The following FER1L6 variants were observed in gnomAD, a reference collection of about 807,000 sequenced individuals.
FER1L6 encodes fer-1 like family member 6, also known as fer-1-like protein 6.
FER1L6 carries 177 observed loss-of-function variants against 219.2 expected under a neutral mutation model. That is an observed-to-expected ratio of 0.81 (90% CI 0.71 to 0.91). The LOEUF (loss-of-function observed/expected upper bound fraction) is 0.91. Ranked by LOEUF, FER1L6 falls within the 40% of genes least tolerant of loss-of-function variation. The pLI is 0.00. For synonymous variants in FER1L6, 768 were observed against 824.3 expected (o/e 0.93, Z 1.17); for missense variants, 2,153 against 2,259.9 (o/e 0.95, Z 0.96).
rs71576706 is a variant in FER1L6 at position 123,856,316 on chromosome 8, G to GTGTGTGTGTGTGTGTATATATATATA, written c.-8+4132_-8+4133insGTGTGTGTGTGTGTATATATATATAT. Among the ~76,000 whole-genome samples, 66 of 45,084 alleles carry GTGTGTGTGTGTGTGTATATATATATA rather than the reference G, an allele frequency of 1.5e-3. 8 individuals are homozygous for GTGTGTGTGTGTGTGTATATATATATA. The highest frequency in any genetic ancestry group is 2.6e-3 in the Non-Finnish European group (56 of 21,684). 29.6% of individuals were successfully genotyped at this position (45,084 alleles called of 152,430 possible). On this transcript the variant is annotated intron_variant, in intron 1 of 40. Coordinates refer to ENST00000522917, the MANE Select transcript of FER1L6 (RefSeq NM_001039112.2). ...TGTATATATATATATATATGTATGT[G>GTGTGTGTGTGTGTGTATATATATATA]TATATATATATATATATATATATAT...
chr8:123,880,371 C>T (rs1817087843), intron 1 of FER1L6, among the ~76,000 whole-genome samples: 1 of 152,158 alleles, frequency 6.6e-6, no homozygotes, highest in South Asian at 2.1e-4. Flanking sequence ...TGTTTATGTC[C>T]TCCGTCCACA....
intron 1 of FER1L6, among the ~76,000 whole-genome samples, chr8:123,947,804 T>A (rs572399894): frequency 2.0e-5 from 3 of 152,340 alleles, no homozygotes; most frequent in Non-Finnish European, 2.9e-5. Flanking sequence ...ATGAGTGACT[T>A]GTTGCTCCAT....
At chr8:124,049,062 C>CT (rs1200633004) in intron 21 of FER1L6, among the ~76,000 whole-genome samples, 1 of 148,290 alleles carries the variant, frequency 6.7e-6, no homozygotes, top group East Asian at 2.0e-4. Flanking sequence ...TTTCTTTTTT[C>CT]TTTTTTTGAG....
intron 19 of FER1L6, among the ~76,000 whole-genome samples, chr8:124,039,394 C>A (rs1312000350): frequency 6.6e-6 from 1 of 152,160 alleles, no homozygotes; most frequent in Non-Finnish European, 1.5e-5. Flanking sequence ...CACACACAGG[C>A]ACACACCCAC....
chr8:124,031,433 C>T (rs1430644657), intron 18 of FER1L6, among the ~76,000 whole-genome samples: 2 of 152,092 alleles, frequency 1.3e-5, no homozygotes, highest in African/African-American at 4.8e-5. Context: ...ACAGCAAGGC[C>T]TGTCTGCCTA....
intron 1 of FER1L6, among the ~76,000 whole-genome samples, chr8:123,913,937 G>A (rs947942298): frequency 6.6e-6 from 1 of 151,990 alleles, no homozygotes; most frequent in African/African-American, 2.4e-5. Flanking sequence ...ACATGAGAAA[G>A]GTCTGGATAC....
chr8:124,055,389 A>T (rs1820241010), intron 22 of FER1L6, among the ~76,000 whole-genome samples: 1 of 152,108 alleles, frequency 6.6e-6, no homozygotes, highest in Non-Finnish European at 1.5e-5. Flanking sequence ...AAAAAAATGC[A>T]TCTGTTTACT....
At chr8:124,086,315 T>C (rs1821782225) in intron 33 of FER1L6, among the ~76,000 whole-genome samples, 1 of 152,164 alleles carries the variant, frequency 6.6e-6, no homozygotes, top group Non-Finnish European at 1.5e-5. Context: ...TTTTCTCTGG[T>C]GGTATGTTTT....
chr8:124,031,683 C>G (rs2130688746), intron 18 of FER1L6, among the ~76,000 whole-genome samples: 1 of 152,180 alleles, frequency 6.6e-6, no homozygotes, highest in Non-Finnish European at 1.5e-5. Context: ...CTATGGCTAA[C>G]CTGGGGGTGA....
chr8:123,991,427 G>A (rs1179619295), intron 12 of FER1L6, among the ~76,000 whole-genome samples: 3 of 151,660 alleles, frequency 2.0e-5, no homozygotes, highest in Admixed American at 6.6e-5. Flanking sequence ...CACCTCCTTG[G>A]TTAAGTATAT....
intron 1 of FER1L6, chr8:123,939,122 C>T (rs1463454146): frequency 1.1e-5 from 11 of 979,220 alleles, no homozygotes; most frequent in Non-Finnish European, 1.3e-5. Context: ...TTTGTACTTG[C>T]TGGAAGATGG....
At chr8:123,951,232 A>G (rs1814750119) in intron 1 of FER1L6, among the ~76,000 whole-genome samples, 1 of 152,194 alleles carries the variant, frequency 6.6e-6, no homozygotes, top group Non-Finnish European at 1.5e-5. Flanking sequence ...ATCACTGACC[A>G]ATGAAATCAC....
chr8:124,066,817 G>A (rs759503426), intron 27 of FER1L6, among the ~76,000 whole-genome samples: 2 of 152,128 alleles, frequency 1.3e-5, no homozygotes, highest in Non-Finnish European at 2.9e-5. Context: ...CATGGTATCT[G>A]GAGGATCTGC....
chr8:124,045,302 T>G (rs1313766878), intron 20 of FER1L6, among the ~76,000 whole-genome samples: 2 of 152,220 alleles, frequency 1.3e-5, no homozygotes, highest in Non-Finnish European at 2.9e-5. Context: ...GAACCTCAGT[T>G]CTGCCACTTG....
At chr8:124,039,251 C>A (rs1171644152) in intron 19 of FER1L6, among the ~76,000 whole-genome samples, 1 of 152,210 alleles carries the variant, frequency 6.6e-6, no homozygotes. Flanking sequence ...CCACAGAATC[C>A]TCAGAGATCA....
intron 35 of FER1L6, among the ~76,000 whole-genome samples, 195 bp downstream of exon 35, chr8:124,095,233 T>C (rs1288163964): frequency 6.6e-6 from 1 of 152,184 alleles, no homozygotes. Context: ...AAATTAAACA[T>C]CCTAGAAAAC....
rs965708614 is a variant in FER1L6 at position 123,955,167 on chromosome 8, G to C, written c.-7-825G>C. 2.6e-5 allele frequency among the ~76,000 whole-genome samples: 4 copies of C among 152,178 alleles called. 1 individual carries two copies. The highest frequency in any genetic ancestry group is 4.4e-5 in the Non-Finnish European group (3 of 68,040). ...CCCTGTAATCCCAGCTACTTGGGAG[G>C]CTGAGGCAGGAGGATTGCTTGAACC... On this transcript the variant is annotated intron_variant, in intron 1 of 40. Transcript: ENST00000522917.
intron 1 of FER1L6, among the ~76,000 whole-genome samples, chr8:123,885,300 G>T (rs1404075767): frequency 6.6e-6 from 1 of 152,172 alleles, no homozygotes; most frequent in Non-Finnish European, 1.5e-5. Context: ...GCTGAGGAAT[G>T]GTCTACCTGT....
chr8:124,061,164 A>T (rs528144609), intron 24 of FER1L6, among the ~76,000 whole-genome samples: 16 of 152,340 alleles, frequency 1.1e-4, no homozygotes, highest in Non-Finnish European at 1.8e-4. Context: ...CTACGTTTTT[A>T]AAAAAGTATT....
Sources: allele counts gnomAD v4.1 joint callset (sites outside exome capture counted in the v4.1 genomes callset), GRCh38; gene constraint gnomAD v4.1.1; transcripts MANE v1.5; gene names NCBI Gene and HGNC (gene_info 2026-07-23, HGNC 2026-07-21).